Variants in FOXP2 observed in about 807,000 individuals in gnomAD.
The protein encoded by FOXP2 is forkhead box protein P2.
FOXP2 carries 12 observed loss-of-function variants against 115.8 expected under a neutral mutation model. The ratio of observed to expected loss-of-function variants is 0.10; its 90% CI spans 0.07 to 0.17. The LOEUF (loss-of-function observed/expected upper bound fraction) is 0.17, where lower values mean the gene tolerates loss of function less well. FOXP2 is among the 10% of genes least tolerant of loss of function. The pLI is 1.00. For missense variants in FOXP2, 629 were observed against 843.5 expected (o/e 0.75, Z 3.15); for synonymous variants, 328 against 297.7 (o/e 1.10, Z -1.05).
chr7:114,679,931 A>G (rs540867076), intron 16 of FOXP2, among the ~76,000 whole-genome samples: 2 of 152,194 alleles, frequency 1.3e-5, no homozygotes, highest in Non-Finnish European at 2.9e-5. Context: ...TGATGATAAC[A>G]GGAACCATTG....
chr7:114,587,720 A>G (rs1802210128), intron 3 of FOXP2, among the ~76,000 whole-genome samples: 1 of 151,476 alleles, frequency 6.6e-6, no homozygotes, highest in African/African-American at 2.4e-5. Flanking sequence ...TTTCAAAAAT[A>G]TGTGAATAAA....
chr7:114,367,310 T>C (rs1051331332), intron 2 of FOXP2, among the ~76,000 whole-genome samples: 2 of 152,128 alleles, frequency 1.3e-5, no homozygotes, highest in Non-Finnish European at 2.9e-5. Context: ...AAACATTTTG[T>C]CTACTGTCAC....
At chr7:114,147,216 T>A (rs1316971410) in intron 1 of FOXP2, among the ~76,000 whole-genome samples, 1 of 152,168 alleles carries the variant, frequency 6.6e-6, no homozygotes, top group African/African-American at 2.4e-5. Flanking sequence ...ATCAAATAGA[T>A]TATTTATATG....
At chr7:114,630,132 T>G in intron 5 of FOXP2, 127 bp downstream of exon 5, 1 of 1,529,796 alleles carries the variant, frequency 6.5e-7, no homozygotes, top group Non-Finnish European at 8.9e-7. Context: ...TTATATATTT[T>G]TACTGAGCTT....
chr7:114,249,274 G>A (rs556532352), intron 1 of FOXP2, among the ~76,000 whole-genome samples: 8 of 152,126 alleles, frequency 5.3e-5, no homozygotes, highest in African/African-American at 1.4e-4. Context: ...ATAGGTAAAC[G>A]TGTGCCATGG....
chr7:114,280,532 A>G (rs922380333), intron 1 of FOXP2, among the ~76,000 whole-genome samples: 2 of 152,158 alleles, frequency 1.3e-5, no homozygotes, highest in Non-Finnish European at 2.9e-5. Flanking sequence ...ATTTTAACAG[A>G]CAGTTCTAGT....
intron 1 of FOXP2, among the ~76,000 whole-genome samples, chr7:114,235,520 T>A (rs1445831782): frequency 6.6e-6 from 1 of 152,252 alleles, no homozygotes; most frequent in East Asian, 1.9e-4. Flanking sequence ...ATTGGTGTTA[T>A]GTGACTTCAG....
chr7:114,363,360 T>C (rs1014420872), intron 2 of FOXP2, among the ~76,000 whole-genome samples: 1 of 152,128 alleles, frequency 6.6e-6, no homozygotes, highest in African/African-American at 2.4e-5. Context: ...GAGTGCAAAA[T>C]ATCTGACATA....
intron 1 of FOXP2, among the ~76,000 whole-genome samples, chr7:114,135,598 T>C (rs897757688): frequency 6.6e-6 from 1 of 152,166 alleles, no homozygotes; most frequent in Non-Finnish European, 1.5e-5. Flanking sequence ...GATGATCTAA[T>C]AACATGTAGC....
chr7:114,241,656 G>T (rs1013583147), intron 1 of FOXP2, among the ~76,000 whole-genome samples: 2 of 151,664 alleles, frequency 1.3e-5, no homozygotes, highest in Non-Finnish European at 1.5e-5. Context: ...GTGAACTCAA[G>T]GATTATGAGA....
intron 2 of FOXP2, among the ~76,000 whole-genome samples, chr7:114,293,644 T>A (rs1796665022): frequency 6.6e-6 from 1 of 152,204 alleles, no homozygotes; most frequent in African/African-American, 2.4e-5. Flanking sequence ...TCCCCCATCC[T>A]GTTCTTGTGA....
chr7:114,561,724 T>C (rs1800767037), intron 3 of FOXP2, among the ~76,000 whole-genome samples: 2 of 152,198 alleles, frequency 1.3e-5, no homozygotes, highest in Non-Finnish European at 2.9e-5. Context: ...CATTCATGAA[T>C]CGATTCCTTT....
At chr7:114,494,506 T>C (rs932994767) in intron 2 of FOXP2, among the ~76,000 whole-genome samples, 1 of 152,072 alleles carries the variant, frequency 6.6e-6, no homozygotes, top group Admixed American at 6.6e-5. Flanking sequence ...TCTCTTTTTA[T>C]CCTTGGCCAG....
At chr7:114,226,174 C>A (rs952025483) in intron 1 of FOXP2, among the ~76,000 whole-genome samples, 1 of 152,202 alleles carries the variant, frequency 6.6e-6, no homozygotes, top group Admixed American at 6.5e-5. Context: ...TAAAGCCCCC[C>A]AATTTACCAT....
At chr7:114,345,331 A>T (rs886299922) in intron 2 of FOXP2, among the ~76,000 whole-genome samples, 1 of 151,820 alleles carries the variant, frequency 6.6e-6, no homozygotes, top group Admixed American at 6.6e-5. Context: ...TATGATTTTG[A>T]TAGTTGTATA....
intron 10 of FOXP2, chr7:114,656,733 C>T (rs1379061891): frequency 4.9e-6 from 1 of 203,226 alleles, no homozygotes; most frequent in East Asian, 1.4e-4. Flanking sequence ...TAATGTGCTT[C>T]TTCTGGCTGC....
intron 3 of FOXP2, among the ~76,000 whole-genome samples, chr7:114,589,745 A>T (rs1328449032): frequency 2.0e-5 from 3 of 152,076 alleles, no homozygotes; most frequent in Non-Finnish European, 2.9e-5. Context: ...TCCCCTGATG[A>T]TTGTACCATG....
At chr7:114,090,744 A>G (rs1799525224) in intron 1 of FOXP2, among the ~76,000 whole-genome samples, 1 of 151,736 alleles carries the variant, frequency 6.6e-6, no homozygotes, top group African/African-American at 2.4e-5. Flanking sequence ...TGTATCTCTT[A>G]GTGTACTTGG....
chr7:114,610,082 G>A (rs1385958035), intron 3 of FOXP2, among the ~76,000 whole-genome samples: 2 of 152,122 alleles, frequency 1.3e-5, no homozygotes, highest in Non-Finnish European at 2.9e-5. Flanking sequence ...TGACATGATT[G>A]GTTATTGATC....
Sources: allele counts gnomAD v4.1 joint callset (sites outside exome capture counted in the v4.1 genomes callset), GRCh38; gene constraint gnomAD v4.1.1; transcripts MANE v1.5; gene names NCBI Gene and HGNC (gene_info 2026-07-23, HGNC 2026-07-21).